ARK2C: variants seen among roughly 807,000 people sequenced by gnomAD.
ARK2C encodes E3 ubiquitin-protein ligase ARK2C.
the ARK2C span, among the ~76,000 whole-genome samples, chr18:46,451,004 C>A: frequency 6.6e-6 from 1 of 152,074 alleles, no homozygotes; most frequent in Non-Finnish European, 1.5e-5. Flanking sequence ...GATGGAAGGC[C>A]TCTCATTAGT....
At chr18:46,337,614 T>C in the ARK2C span, 3 of 984,258 alleles carry the variant, frequency 3.0e-6, no homozygotes, top group Admixed American at 1.8e-4. Flanking sequence ...AATACTAATA[T>C]ACAATCTCTC....
the ARK2C span, among the ~76,000 whole-genome samples, chr18:46,422,168 C>T: frequency 6.6e-6 from 1 of 152,204 alleles, no homozygotes; most frequent in Non-Finnish European, 1.5e-5. Context: ...TCGTTTTCTT[C>T]ATCTCTGATT....
chr18:46,396,922 T>G, the ARK2C span, among the ~76,000 whole-genome samples: 21,220 of 152,290 alleles, frequency 0.14, 1,568 homozygotes, highest in East Asian at 0.28. Context: ...CACATCCAGC[T>G]GTGCCTGGGC....
the ARK2C span, chr18:46,433,195 C>T: frequency 1.9e-6 from 3 of 1,575,410 alleles, no homozygotes; most frequent in African/African-American, 1.4e-5. Flanking sequence ...TCCAGGTGCC[C>T]CCTTTCAAAG....
the ARK2C span, among the ~76,000 whole-genome samples, chr18:46,434,668 G>A: frequency 6.6e-6 from 1 of 152,172 alleles, no homozygotes; most frequent in Non-Finnish European, 1.5e-5. Flanking sequence ...GATGCTCGGA[G>A]CACACTTTCA....
chr18:46,442,676 A>G, the ARK2C span, among the ~76,000 whole-genome samples: 1 of 152,154 alleles, frequency 6.6e-6, no homozygotes, highest in African/African-American at 2.4e-5. Flanking sequence ...AAGTTAGTCG[A>G]CAGTATTGTT....
the ARK2C span, chr18:46,456,661 C>G: frequency 6.6e-7 from 1 of 1,512,284 alleles, no homozygotes; most frequent in Non-Finnish European, 9.2e-7. Flanking sequence ...AGTGGACACC[C>G]CATTTCCTTC....
At chr18:46,456,345 T>C in the ARK2C span, among the ~76,000 whole-genome samples, 1 of 152,160 alleles carries the variant, frequency 6.6e-6, no homozygotes, top group Admixed American at 6.5e-5. Context: ...AGTTGTGGCT[T>C]TGTTTCAGGC....
the ARK2C span, among the ~76,000 whole-genome samples, chr18:46,389,740 T>A: frequency 6.6e-6 from 1 of 151,876 alleles, no homozygotes; most frequent in African/African-American, 2.4e-5. Flanking sequence ...CTTTCCTTTT[T>A]TTTTTTCAGA....
the ARK2C span, among the ~76,000 whole-genome samples, chr18:46,338,768 T>C: frequency 6.6e-6 from 1 of 152,088 alleles, no homozygotes; most frequent in African/African-American, 2.4e-5. Context: ...ACTGAGGAAA[T>C]GAGTTGATTA....
the ARK2C span, among the ~76,000 whole-genome samples, chr18:46,434,866 T>C: frequency 6.6e-6 from 1 of 151,676 alleles, no homozygotes; most frequent in African/African-American, 2.4e-5. Flanking sequence ...GGGAAGAGTG[T>C]TGAAAAAGGG....
chr18:46,334,271 C>A, the ARK2C span: 1 of 1,528,674 alleles, frequency 6.5e-7, no homozygotes, highest in Non-Finnish European at 8.7e-7. The surrounding 1 kb of genome is among the most constrained non-coding windows in gnomAD (Gnocchi z 4.4). Context: ...CGCGAGGAGC[C>A]AGGATGGTCC....
the ARK2C span, among the ~76,000 whole-genome samples, chr18:46,438,121 C>A: frequency 6.6e-6 from 1 of 152,226 alleles, no homozygotes; most frequent in Non-Finnish European, 1.5e-5. Context: ...GATACAAAGG[C>A]CAAAAATGAC....
At chr18:46,371,939 T>C in the ARK2C span, among the ~76,000 whole-genome samples, 1 of 152,208 alleles carries the variant, frequency 6.6e-6, no homozygotes, top group Non-Finnish European at 1.5e-5. Context: ...AACTAACAGC[T>C]GTTTATTAAA....
the ARK2C span, among the ~76,000 whole-genome samples, chr18:46,444,825 G>A: frequency 2.6e-5 from 4 of 151,922 alleles, no homozygotes; most frequent in African/African-American, 9.7e-5. Context: ...CTTTTCTTTT[G>A]TAGTATCTAA....
the ARK2C span, among the ~76,000 whole-genome samples, chr18:46,389,881 A>G: frequency 6.6e-6 from 1 of 152,102 alleles, no homozygotes; most frequent in East Asian, 1.9e-4. Flanking sequence ...GGCACGTGCC[A>G]CCATACCCAG....
At chr18:46,334,492 G>A in the ARK2C span, 2 of 589,914 alleles carry the variant, frequency 3.4e-6, no homozygotes, top group Non-Finnish European at 5.3e-6. The surrounding 1 kb of genome is among the most constrained non-coding windows in gnomAD (Gnocchi z 4.4). Context: ...GGGGACCCCC[G>A]AGGGTGGGGG....
chr18:46,340,092 C>G, the ARK2C span, among the ~76,000 whole-genome samples: 3 of 152,226 alleles, frequency 2.0e-5, no homozygotes, highest in African/African-American at 7.2e-5. Flanking sequence ...AACTGTCACA[C>G]AAATCTGCAA....
the ARK2C span, among the ~76,000 whole-genome samples, chr18:46,382,876 C>A: frequency 6.4e-4 from 98 of 152,360 alleles, no homozygotes; most frequent in African/African-American, 2.3e-3. Flanking sequence ...CCCTCCTGGA[C>A]CGTCAGAGCC....
Sources: gnomAD v4.1 joint callset for allele counts (sites outside exome capture counted in the v4.1 genomes callset) on GRCh38, gnomAD v4.1.1 for gene constraint, Gnocchi (gnomAD v3.1) non-coding constraint, MANE v1.5 for transcripts, NCBI Gene and HGNC (gene_info 2026-07-23, HGNC 2026-07-21) for gene names.